DPYSL2: variants seen among roughly 807,000 people sequenced by gnomAD.
The protein encoded by DPYSL2 is dihydropyrimidinase-related protein 2.
Under a neutral mutation model 69.9 loss-of-function variants are expected in DPYSL2, and 13 were observed. That is an observed-to-expected ratio of 0.19 (90% CI 0.12 to 0.30). The LOEUF is 0.30. DPYSL2 is among the 10% of genes least tolerant of loss of function. The pLI, the probability that DPYSL2 is intolerant of heterozygous loss-of-function variation, is 1.00. For synonymous variants in DPYSL2, 326 were observed against 359.1 expected, an observed-to-expected ratio of 0.91 and a Z score of 1.04; for missense variants, 587 against 918.9, an observed-to-expected ratio of 0.64 and a Z score of 4.67.
rs530856239 is a variant in DPYSL2 at position 26,591,613 on chromosome 8, C to T, written c.628+7630C>T. 1.2e-3 allele frequency among the ~76,000 whole-genome samples: 188 copies of T among 152,298 alleles called. No homozygotes were observed. Among genetic ancestry groups the T allele is most frequent in the South Asian group, 2.3e-3 (11 of 4,826 alleles). ...CATGATAGCTTTAGCATTGTTGTCC[C>T]GGGGCAACCCTTTCTCATGTGAAAC... On this transcript the variant is annotated intron_variant, in intron 3 of 13. Coordinates refer to ENST00000521913, the MANE Select transcript of DPYSL2 (RefSeq NM_001197293.3). The surrounding 1 kb of genome is among the most constrained non-coding windows in gnomAD (Gnocchi z 5.8).
chr8:26,622,476 A>ATGTG (rs372106979), intron 3 of DPYSL2, among the ~76,000 whole-genome samples: 3,777 of 127,448 alleles, frequency 0.03, 82 homozygotes, highest in Middle Eastern at 0.06. Flanking sequence ...GTGTGTGTAT[A>ATGTG]TGTGTGTGTG....
At chr8:26,631,751 GC>G (rs1802779732) in intron 7 of DPYSL2, among the ~76,000 whole-genome samples, 1 of 152,020 alleles carries the variant, frequency 6.6e-6, no homozygotes, top group South Asian at 2.1e-4. Context: ...CCATATGACA[GC>G]CCAGTGAGGC....
intron 3 of DPYSL2, among the ~76,000 whole-genome samples, chr8:26,613,901 G>A (rs1012967568): frequency 6.6e-6 from 1 of 152,284 alleles, no homozygotes; most frequent in South Asian, 2.1e-4. Flanking sequence ...GGAGGCCAAG[G>A]TAGGAGGATC....
In DPYSL2 at chr8:26,620,980, TACATACATAC is replaced by T. The variant is rs1406519772; in HGVS notation, c.629-3151_629-3142del. ...ACATATACACATATAAATACACACG[TACATACATAC>T]ACATACATACATGCCTCTTTCCTGA... On this transcript the variant is annotated intron_variant, in intron 3 of 13. Transcript: ENST00000521913. The surrounding 1 kb of genome is among the most constrained non-coding windows in gnomAD (Gnocchi z 4.5). Among the ~76,000 whole-genome samples, 2 of 152,172 alleles carry T rather than the reference TACATACATAC, an allele frequency of 1.3e-5. No homozygotes were observed. The highest frequency in any genetic ancestry group is 2.9e-5 in the Non-Finnish European group (2 of 68,030).
intron 1 of DPYSL2, among the ~76,000 whole-genome samples, chr8:26,535,898 TTG>T (rs112620337): frequency 0.034 from 4,859 of 141,062 alleles, 146 homozygotes; most frequent in African/African-American, 0.087. Flanking sequence ...TCTCTATGGG[TTG>T]TGTGTGTGTG....
Position 26,652,263 on chromosome 8 carries a change from G to A in DPYSL2, c.1603G>A (p.Glu535Lys), listed in dbSNP as rs1444629367. 3 of 1,613,102 alleles carry A rather than the reference G, an allele frequency of 1.9e-6. No homozygotes were observed. The highest frequency in any genetic ancestry group is 1.7e-6 in the Non-Finnish European group (2 of 1,179,550). ...TACTTTGCCTTCTTCTCAGTCTCTCGAGTACAACATCTTTGAAGGCATGGA... is the reference window on the plus strand; with the variant it reads ...TACTTTGCCTTCTTCTCAGTCTCTCAAGTACAACATCTTTGAAGGCATGGA... ...ISAKTHNSSL[E>K]YNIFEGMECR... Residue 535 changes from glutamate (E) to lysine (K), a missense_variant, in exon 12 of 14, where the codon GAG becomes AAG. This residue lies in a region of DPYSL2 where 452 missense variants were observed against 754.3 expected (regional missense o/e 0.60). Transcript: ENST00000521913. This position sits in a 1 kb window ranked among gnomAD's most constrained non-coding sequence, Gnocchi z 6.3.
intron 1 of DPYSL2, among the ~76,000 whole-genome samples, chr8:26,568,133 C>A (rs1353674443): frequency 6.6e-6 from 1 of 152,162 alleles, no homozygotes; most frequent in African/African-American, 2.4e-5. Context: ...ATTTCCTTAT[C>A]TGCTTGATAG....
At chr8:26,622,958 T>G (rs1055558626) in intron 3 of DPYSL2, among the ~76,000 whole-genome samples, 1 of 152,240 alleles carries the variant, frequency 6.6e-6, no homozygotes, top group Non-Finnish European at 1.5e-5. Flanking sequence ...TTGCTTTAAG[T>G]GTTCAGTCCT....
In DPYSL2 at chr8:26,634,901, G is replaced by T. The variant is rs770652042; in HGVS notation, c.1126+1G>T. 1 of 1,614,194 alleles carries T rather than the reference G, an allele frequency of 6.2e-7. No homozygotes were observed. On this transcript the variant is annotated splice_donor_variant, in intron 8 of 13. Transcript: ENST00000521913. LOFTEE classifies it high-confidence loss of function. ...GTCATCGCCCAGGCACGGAAGAAGG[G>T]TGAGTGCTGTGGCCGGACTGGCTGA... is the stretch of plus-strand genomic sequence containing the variant.
chr8:26,624,649 A>G lies in DPYSL2; in HGVS notation c.793+342A>G, dbSNP rs1370615722. On this transcript the variant is annotated intron_variant, in intron 4 of 13. Transcript: ENST00000521913. The surrounding 1 kb of genome is among the most constrained non-coding windows in gnomAD (Gnocchi z 4.7). ...GCTGCTGAGAGAGAGATTTACCCTC[A>G]AAAGATAACAAATACATATCTCAGT... 6.6e-6 allele frequency among the ~76,000 whole-genome samples: 1 copy of G among 152,188 alleles called. No individual in the cohort carries two copies. Among genetic ancestry groups the G allele is most frequent in the East Asian group, 1.9e-4 (1 of 5,200 alleles).
chr8:26,655,204 A>C (rs1023396086), intron 13 of DPYSL2, among the ~76,000 whole-genome samples: 7 of 152,104 alleles, frequency 4.6e-5, no homozygotes, highest in Non-Finnish European at 5.9e-5. Flanking sequence ...AGAGAAGAAC[A>C]AAGAATGTGA....
intron 3 of DPYSL2, among the ~76,000 whole-genome samples, chr8:26,596,566 G>T (rs767626004): frequency 6.6e-6 from 1 of 152,234 alleles, no homozygotes; most frequent in Non-Finnish European, 1.5e-5. Context: ...AGAAGAAAGT[G>T]AGGAGTTTGG....
intron 1 of DPYSL2, among the ~76,000 whole-genome samples, chr8:26,576,852 G>A (rs888558790): frequency 6.6e-6 from 1 of 152,212 alleles, no homozygotes; most frequent in Non-Finnish European, 1.5e-5. Flanking sequence ...AAACCCTCAG[G>A]ACCCCGGGGC....
intron 1 of DPYSL2, among the ~76,000 whole-genome samples, chr8:26,523,151 A>G (rs1012893705): frequency 7.3e-5 from 11 of 151,038 alleles, no homozygotes; most frequent in African/African-American, 2.4e-4. Context: ...ACAGACATAC[A>G]TGTATATATA....
intron 1 of DPYSL2, among the ~76,000 whole-genome samples, chr8:26,520,147 C>G (rs987730697): frequency 6.6e-6 from 1 of 152,160 alleles, no homozygotes; most frequent in African/African-American, 2.4e-5. Flanking sequence ...CTCATTCTCT[C>G]TTGCCTGCTG....
rs1291747168 is a variant in DPYSL2, at chr8:26,627,021, A to T, written c.856-194A>T. On this transcript the variant is annotated intron_variant, in intron 5 of 13. Coordinates refer to ENST00000521913, the MANE Select transcript of DPYSL2 (RefSeq NM_001197293.3). This position sits in a 1 kb window ranked among gnomAD's most constrained non-coding sequence, Gnocchi z 6.9. ...CTGCTAAGTTGTACTGCCTCTGTTA[A>T]TTTCTGAGGGGTCTTTCTCCATCAA... 6.6e-6 allele frequency among the ~76,000 whole-genome samples: 1 copy of T among 152,116 alleles called. No individual in the cohort carries two copies. Among genetic ancestry groups the T allele is most frequent in the East Asian group, 1.9e-4 (1 of 5,190 alleles).
chr8:26,607,854 C>T (rs1448339539), intron 3 of DPYSL2, among the ~76,000 whole-genome samples: 6 of 151,600 alleles, frequency 4.0e-5, no homozygotes, highest in Non-Finnish European at 5.9e-5. Context: ...CTGAGGTGGG[C>T]GGATCACAAG....
rs534296316 is a variant in DPYSL2, at chr8:26,594,766, G to T, written c.628+10783G>T. Among the ~76,000 whole-genome samples the T allele has an allele frequency of 2.6e-4, 39 of 152,160 alleles. 1 individual carries two copies. The highest frequency in any genetic ancestry group is 1.2e-3 in the Admixed American group (18 of 15,282). Reference sequence around the variant, plus strand: ...TTGCATGCCACCTGATTCCAGATGGGTTATCTCACTTCACTGTCACTTAGT... The same window carrying T: ...TTGCATGCCACCTGATTCCAGATGGTTTATCTCACTTCACTGTCACTTAGT... On this transcript the variant is annotated intron_variant, in intron 3 of 13. Transcript: ENST00000521913.
At chr8:26,544,782 C>T (rs1269950386) in intron 1 of DPYSL2, among the ~76,000 whole-genome samples, 1 of 152,144 alleles carries the variant, frequency 6.6e-6, no homozygotes, top group Non-Finnish European at 1.5e-5. Context: ...GAATTAAAGA[C>T]ACATGTAGGT....
Sources: allele counts gnomAD v4.1 joint callset (sites outside exome capture counted in the v4.1 genomes callset), GRCh38; gene constraint gnomAD v4.1.1; regional missense constraint gnomAD v4.1.1; non-coding constraint Gnocchi (gnomAD v3.1); transcripts MANE v1.5; gene names NCBI Gene and HGNC (gene_info 2026-07-23, HGNC 2026-07-21).